PDE4D: variants seen among roughly 807,000 people sequenced by gnomAD.
The protein encoded by PDE4D is 3',5'-cyclic-AMP phosphodiesterase 4D.
In PDE4D, 24 loss-of-function variants were observed where a neutral mutation model predicts 87.4. That is an observed-to-expected ratio of 0.27 (90% confidence interval 0.20 to 0.39). The LOEUF (loss-of-function observed/expected upper bound fraction) is 0.39, where lower values mean the gene tolerates loss of function less well. Among genes scored for constraint, PDE4D ranks in the 10% least tolerant of loss-of-function variants. PDE4D has a pLI of 1.00. For synonymous variants in PDE4D, 384 were observed against 383.2 expected (o/e 1.00, Z -0.02); for missense variants, 714 against 1,041.0 (o/e 0.69, Z 4.32).
chr5:59,335,723 G>A (rs1777540861), intron 1 of PDE4D, among the ~76,000 whole-genome samples: 1 of 152,112 alleles, frequency 6.6e-6, no homozygotes, highest in South Asian at 2.1e-4. Flanking sequence ...CCTAAAGATA[G>A]AAACTAAAAA....
intron 2 of PDE4D, among the ~76,000 whole-genome samples, chr5:60,136,469 C>T (rs1780058485): frequency 6.6e-6 from 1 of 152,082 alleles, no homozygotes; most frequent in African/African-American, 2.4e-5. Context: ...TGTCTGCCAC[C>T]ATGCCCAGCT....
intron 5 of PDE4D, among the ~76,000 whole-genome samples, chr5:59,110,619 C>T (rs1772452064): frequency 6.6e-6 from 1 of 152,110 alleles, no homozygotes; most frequent in Admixed American, 6.6e-5. Flanking sequence ...TGCCTGTAAT[C>T]CCAGCATTTT....
At chr5:59,485,475 T>C (rs116814422) in intron 1 of PDE4D, among the ~76,000 whole-genome samples, 3,294 of 152,264 alleles carry the variant, frequency 0.022, 42 homozygotes, top group Non-Finnish European at 0.033. Context: ...TTTTGTTTTT[T>C]AGATTTATGT....
At chr5:60,036,897 G>T (rs1767871764) in intron 2 of PDE4D, among the ~76,000 whole-genome samples, 1 of 152,162 alleles carries the variant, frequency 6.6e-6, no homozygotes, top group Non-Finnish European at 1.5e-5. Context: ...CATAATTTTG[G>T]AAAGGGGTAG....
chr5:59,793,540 A>G (rs1315083007), intron 1 of PDE4D, among the ~76,000 whole-genome samples: 1 of 152,242 alleles, frequency 6.6e-6, no homozygotes, highest in Admixed American at 6.5e-5. Context: ...TGTTCATAAT[A>G]ATATTGGTTT....
intron 1 of PDE4D, among the ~76,000 whole-genome samples, chr5:60,470,793 G>A (rs563985931): frequency 6.6e-6 from 1 of 151,800 alleles, no homozygotes. Flanking sequence ...AAAAAAAAAA[G>A]ATTCCTTTCA....
chr5:59,923,634 G>A (rs1360099819), intron 3 of PDE4D, among the ~76,000 whole-genome samples: 1 of 152,190 alleles, frequency 6.6e-6, no homozygotes, highest in South Asian at 2.1e-4. Flanking sequence ...ACCTCCATGG[G>A]TCAGCAAGAG....
intron 1 of PDE4D, among the ~76,000 whole-genome samples, chr5:59,458,591 T>C (rs964840505): frequency 2.6e-5 from 4 of 152,208 alleles, no homozygotes; most frequent in Non-Finnish European, 4.4e-5. Flanking sequence ...CTGCTTTGCA[T>C]GTTAAAAAAT....
chr5:60,065,683 C>T (rs533629835), intron 2 of PDE4D, among the ~76,000 whole-genome samples: 9 of 151,956 alleles, frequency 5.9e-5, no homozygotes, highest in South Asian at 4.1e-4. Context: ...TGAGAATATG[C>T]GTGTTTGCTT....
chr5:59,108,055 C>G (rs1158687059), intron 5 of PDE4D, among the ~76,000 whole-genome samples: 1 of 152,242 alleles, frequency 6.6e-6, no homozygotes, highest in Admixed American at 6.5e-5. Context: ...GACTGCCCGG[C>G]TGAGCCCAGC....
At chr5:59,054,982 A>G (rs1320620883) in intron 5 of PDE4D, among the ~76,000 whole-genome samples, 3 of 152,190 alleles carry the variant, frequency 2.0e-5, no homozygotes, top group Non-Finnish European at 4.4e-5. Flanking sequence ...TACTGTGCAT[A>G]TTTTTTGAAG....
intron 2 of PDE4D, among the ~76,000 whole-genome samples, chr5:60,042,070 T>C (rs1490513321): frequency 6.6e-6 from 1 of 152,146 alleles, no homozygotes; most frequent in East Asian, 1.9e-4. Flanking sequence ...AAATTTCTTG[T>C]TGCCAGCACA....
intron 1 of PDE4D, among the ~76,000 whole-genome samples, chr5:60,285,352 A>G (rs1422682908): frequency 1.3e-5 from 2 of 152,114 alleles, no homozygotes; most frequent in African/African-American, 4.8e-5. Context: ...TAGAGAGGAC[A>G]TAGTGTCTGA....
At chr5:60,038,616 C>T (rs1768091176) in intron 2 of PDE4D, among the ~76,000 whole-genome samples, 1 of 151,992 alleles carries the variant, frequency 6.6e-6, no homozygotes, top group Admixed American at 6.6e-5. Flanking sequence ...TCCATATACA[C>T]AGCAAAAGAA....
At chr5:60,015,641 T>C (rs1257065211) in intron 2 of PDE4D, among the ~76,000 whole-genome samples, 1 of 152,162 alleles carries the variant, frequency 6.6e-6, no homozygotes, top group African/African-American at 2.4e-5. Context: ...AACTATTTTT[T>C]AGATGAGATT....
chr5:60,338,105 G>T (rs1003257422), intron 1 of PDE4D, among the ~76,000 whole-genome samples: 2 of 152,168 alleles, frequency 1.3e-5, no homozygotes, highest in South Asian at 4.1e-4. Context: ...GTGAGTAGCC[G>T]GAGAAAAAAG....
intron 1 of PDE4D, among the ~76,000 whole-genome samples, chr5:60,503,103 T>C (rs1049783930): frequency 2.0e-5 from 3 of 152,162 alleles, no homozygotes; most frequent in Admixed American, 6.6e-5. Flanking sequence ...TTTTTGATGA[T>C]GTGGATTGAC....
At chr5:60,162,951 C>T (rs1322766010) in intron 2 of PDE4D, among the ~76,000 whole-genome samples, 1 of 152,100 alleles carries the variant, frequency 6.6e-6, no homozygotes, top group African/African-American at 2.4e-5. Context: ...GTCCTGAGAA[C>T]AAATTACACA....
chr5:60,177,132 C>T (rs1378246892), intron 2 of PDE4D, among the ~76,000 whole-genome samples: 1 of 151,928 alleles, frequency 6.6e-6, no homozygotes, highest in Non-Finnish European at 1.5e-5. Flanking sequence ...TGCATGTTAC[C>T]GCCTGGAACT....
Sources: allele counts gnomAD v4.1 joint callset (sites outside exome capture counted in the v4.1 genomes callset), GRCh38; gene constraint gnomAD v4.1.1; transcripts MANE v1.5; gene names NCBI Gene and HGNC (gene_info 2026-07-23, HGNC 2026-07-21).